The following SS18L1 variants were observed in gnomAD, a reference collection of about 807,000 sequenced individuals.
The protein encoded by SS18L1 is SS18L1 subunit of BAF chromatin remodeling complex.
SS18L1 carries 32 observed loss-of-function variants against 70.3 expected under a neutral mutation model. That is an observed-to-expected ratio of 0.46 (90% CI 0.34 to 0.61). The LOEUF (loss-of-function observed/expected upper bound fraction) is 0.61. Among genes scored for constraint, SS18L1 ranks in the 20% least tolerant of loss-of-function variants. The probability of loss-of-function intolerance (pLI) is 0.01; values close to 1 mark genes in which losing one functional copy is unlikely to be tolerated. For missense variants in SS18L1, 430 were observed against 542.1 expected (o/e 0.79, Z 2.05); for synonymous variants, 237 against 229.7 (o/e 1.03, Z -0.29).
chr20:62,167,830 T>TA (rs1035090583), intron 8 of SS18L1, among the ~76,000 whole-genome samples: 1 of 145,906 alleles, frequency 6.9e-6, no homozygotes, highest in African/African-American at 2.6e-5. Context: ...TTTTTTTTTT[T>TA]AAAGAGACAG....
intron 1 of SS18L1, among the ~76,000 whole-genome samples, chr20:62,153,912 C>T (rs1238666083): frequency 6.6e-6 from 1 of 152,086 alleles, no homozygotes; most frequent in African/African-American, 2.4e-5. Context: ...ACAGAATTCC[C>T]ACGCTCCCTT....
Position 62,143,849 on chromosome 20 carries a change from CA to C in SS18L1, c.31del (p.Arg11GlufsTer21). On this transcript the variant is annotated frameshift_variant, in exon 1 of 11. Transcript: ENST00000331758. LOFTEE classifies it high-confidence loss of function. The stretch of plus-strand genomic sequence containing the variant: ...TCCGTGGCCTTCGCGTCTGCCCGGC[CA>C]AGAGGCAAAGGGGAGGTTACGCAGC... MSVAFASAR[P>X]RGKGEVTQQT... 7.6e-7 allele frequency: 1 copy of C among 1,323,988 alleles called. No homozygotes were observed. The allele number at this position is 1,323,988 out of a possible 1,614,324, so 82.0% of individuals were successfully genotyped here.
At chr20:62,160,993 C>T (rs1280618877) in intron 3 of SS18L1, among the ~76,000 whole-genome samples, 1 of 151,828 alleles carries the variant, frequency 6.6e-6, no homozygotes, top group Non-Finnish European at 1.5e-5. Context: ...GGAAGGGGCA[C>T]ATGCAGCAGG....
In SS18L1 at chr20:62,163,087, G is replaced by A. The variant is rs73915600; in HGVS notation, c.556+156G>A. Among the ~76,000 whole-genome samples the A allele has an allele frequency of 0.055, 8,345 of 152,268 alleles. 772 individuals are homozygous for A. The highest frequency in any genetic ancestry group is 0.19 in the African/African-American group (7,882 of 41,534). ...TCGGGGCTGGCCGCTGCCTCTGAGA[G>A]CTTCCGGAGGGATGGGCGCCAGTGG... On this transcript the variant is annotated intron_variant, in intron 5 of 10. Transcript: ENST00000331758.
Position 62,181,376 on chromosome 20 carries a change from G to A in SS18L1, c.*2168G>A, listed in dbSNP as rs919082997. 5.8e-5 allele frequency: 12 copies of A among 206,844 alleles called. No individual in the cohort carries two copies. The highest frequency in any genetic ancestry group is 9.9e-5 in the Non-Finnish European group (10 of 101,280). The allele number at this position is 206,844 out of a possible 1,614,324, so 12.8% of individuals were successfully genotyped here. ...ATAGACCTAATTTGCAAACTCAATC[G>A]GGGACTAAAATTTCCCACTGAAAAT... On this transcript the variant is annotated 3_prime_UTR_variant, in exon 11 of 11. Coordinates refer to ENST00000331758, the MANE Select transcript of SS18L1 (RefSeq NM_198935.3).
intron 1 of SS18L1, 86 bp downstream of exon 1, chr20:62,143,975 G>C: frequency 1.1e-6 from 1 of 872,196 alleles, no homozygotes; most frequent in South Asian, 5.0e-5. Context: ...TGGCGGGCGC[G>C]GGGCGCGAAC....
At chr20:62,151,860 G>C (rs2427265) in intron 1 of SS18L1, among the ~76,000 whole-genome samples, 1 of 105,280 alleles carries the variant, frequency 9.5e-6, no homozygotes, top group African/African-American at 3.8e-5. Flanking sequence ...CTCTTTTCCC[G>C]CTCCCCAGAG....
At chr20:62,170,581 C>T (rs2057513210) in intron 8 of SS18L1, among the ~76,000 whole-genome samples, 1 of 152,266 alleles carries the variant, frequency 6.6e-6, no homozygotes, top group South Asian at 2.1e-4. Context: ...CCGTTGCTGT[C>T]CTGTTGAGAG....
chr20:62,151,962 T>G (rs2145705067), intron 1 of SS18L1, among the ~76,000 whole-genome samples: 3 of 135,120 alleles, frequency 2.2e-5, no homozygotes, highest in South Asian at 2.5e-4. Context: ...GCCTCCCCCG[T>G]TCCCCTCTTT....
intron 10 of SS18L1, among the ~76,000 whole-genome samples, chr20:62,178,216 G>A (rs796741979): frequency 2.7e-5 from 4 of 146,042 alleles, no homozygotes; most frequent in South Asian, 2.2e-4. Context: ...GCATGATCTC[G>A]GTTCACTGCA....
intron 1 of SS18L1, among the ~76,000 whole-genome samples, chr20:62,145,809 T>C (rs1377390754): frequency 1.3e-5 from 2 of 152,204 alleles, no homozygotes; most frequent in African/African-American, 4.8e-5. Flanking sequence ...AGGGATCTTT[T>C]ACTGGGAGGT....
rs773780274 is a variant in SS18L1 at position 62,172,672 on chromosome 20, C to T, written c.917-10C>T. On this transcript the variant is annotated splice_polypyrimidine_tract_variant and intron_variant, in intron 8 of 10. Transcript: ENST00000331758. ...GGGAAAGTCATTTCTGTGTCTCCTC[C>T]TCCCTCCAGGAAACTCCCAGTACAG... 1 of 1,614,182 alleles carries T rather than the reference C, an allele frequency of 6.2e-7. No individual in the cohort carries two copies. The highest frequency in any genetic ancestry group is 8.5e-7 in the Non-Finnish European group (1 of 1,180,024).
rs1478126114 is a variant in SS18L1 at position 62,167,041 on chromosome 20, TG to T, written c.916+1528del. 3.4e-3 allele frequency among the ~76,000 whole-genome samples: 450 copies of T among 131,162 alleles called. 28 individuals carry two copies. The highest frequency in any genetic ancestry group is 0.015 in the African/African-American group (426 of 28,652). The allele number at this position is 131,162 out of a possible 152,430, so 86.0% of individuals were successfully genotyped here. A position where few individuals can be genotyped will look rare whatever the true frequency, so the allele number is the denominator to read the frequency against. ...GATTGCTTGAGCTCAGGAGTTTGTT[TG>T]TTTTTTTTTTTTTTTTTTTTTGAGA... On this transcript the variant is annotated intron_variant, in intron 8 of 10. Transcript: ENST00000331758.
chr20:62,143,867 T>C lies in SS18L1; in HGVS notation c.47T>C (p.Val16Ala), dbSNP rs767030179. 7.7e-7 allele frequency: 1 copy of C among 1,292,906 alleles called. No individual in the cohort carries two copies. Among genetic ancestry groups the C allele is most frequent in the Admixed American group, 2.3e-5 (1 of 42,988 alleles). 80.1% of individuals were successfully genotyped at this position (1,292,906 alleles called of 1,614,324 possible). Reference sequence around the variant, plus strand: ...GCCCGGCCAAGAGGCAAAGGGGAGGTTACGCAGCAAACCATCCAGAAGGTG... The same window carrying C: ...GCCCGGCCAAGAGGCAAAGGGGAGGCTACGCAGCAAACCATCCAGAAGGTG... ...ASARPRGKGE[V>A]TQQTIQKMLD... The change falls in exon 1 of 11, where the codon GTT becomes GCT. Residue 16 changes from valine (V) to alanine (A), a missense_variant. Transcript: ENST00000331758.
At chr20:62,143,933 G>C in intron 1 of SS18L1, 44 bp downstream of exon 1, 2 of 989,612 alleles carry the variant, frequency 2.0e-6, no homozygotes, top group Non-Finnish European at 2.4e-6. Flanking sequence ...GGGTCTGCGG[G>C]CGGGCGCGCG....
chr20:62,166,889 C>T (rs1376614156), intron 8 of SS18L1, among the ~76,000 whole-genome samples: 1 of 150,652 alleles, frequency 6.6e-6, no homozygotes, highest in Non-Finnish European at 1.5e-5. Context: ...CATGCCATTG[C>T]ACTCCAGCCT....
At chr20:62,157,123 G>C (rs1007437318) in intron 1 of SS18L1, among the ~76,000 whole-genome samples, 15 of 152,164 alleles carry the variant, frequency 9.9e-5, no homozygotes, top group African/African-American at 3.6e-4. Flanking sequence ...GAAAGAGCCG[G>C]CTCTCCTGTG....
chr20:62,154,512 C>T lies in SS18L1; in HGVS notation c.70-4160C>T, dbSNP rs925841062. The T allele has an allele frequency of 5.9e-6, 6 of 1,018,048 alleles. No homozygotes were observed. The Admixed American group carries it at 2.3e-4, about 40-fold the overall frequency. The allele number at this position is 1,018,048 out of a possible 1,614,324, so 63.1% of individuals were successfully genotyped here. ...AGCCTCCCTCAGGCCAGGCCATCGG[C>T]CCCCCAGAGGTCTCCGTTGGGACTG... is the stretch of plus-strand genomic sequence containing the variant. On this transcript the variant is annotated intron_variant, in intron 1 of 10. Transcript: ENST00000331758.
At position 62,163,579 on chromosome 20, in the gene SS18L1, G is replaced by A. The variant is rs772877018; in HGVS notation, c.678G>A (p.Met226Ile). Reference protein sequence around the residue: ...MMGQGSQGSSMMGQRPMAPYR... With the variant: ...MMGQGSQGSSIMGQRPMAPYR... ...GGCAGGGCAGCCAGGGGAGCAGCAT[G>A]ATGGGGCAGCGGCCCATGGCGCCCT... is the stretch of plus-strand genomic sequence containing the variant. The change falls in exon 6 of 11, where the codon ATG (methionine) becomes ATA (isoleucine). Residue 226 changes from methionine to isoleucine, a missense_variant. Physicochemically the swap from Met to Ile is conservative, Grantham distance 10. Transcript: ENST00000331758. 2.5e-6 allele frequency: 4 copies of A among 1,608,394 alleles called. No homozygotes were observed. Among genetic ancestry groups the A allele is most frequent in the Admixed American group, 3.3e-5 (2 of 59,848 alleles).
Sources: allele counts gnomAD v4.1 joint callset (sites outside exome capture counted in the v4.1 genomes callset), GRCh38; gene constraint gnomAD v4.1.1; transcripts MANE v1.5; gene names NCBI Gene and HGNC (gene_info 2026-07-23, HGNC 2026-07-21).